TRPM2: variants seen among roughly 807,000 people sequenced by gnomAD.
TRPM2 encodes the protein estrogen-responsive element-associated gene 1 protein.
TRPM2 carries 161 observed loss-of-function variants against 174.0 expected under a neutral mutation model. That is an observed-to-expected ratio of 0.93 (90% CI 0.81 to 1.05). The LOEUF (loss-of-function observed/expected upper bound fraction) is 1.05, where lower values mean the gene tolerates loss of function less well. Ranked by LOEUF, TRPM2 falls within the 50% of genes least tolerant of loss-of-function variation. The probability of loss-of-function intolerance (pLI) is 0.00; values close to 1 mark genes in which losing one functional copy is unlikely to be tolerated. For missense variants in TRPM2, 2,057 were observed against 2,038.0 expected (o/e 1.01, Z -0.18); for synonymous variants, 954 against 861.3 (o/e 1.11, Z -1.88).
In TRPM2 at chr21:44,377,762, G is replaced by A; in HGVS notation, c.1003G>A (p.Gly335Ser). The A allele has an allele frequency of 6.2e-7, 1 of 1,614,156 alleles. No homozygotes were observed. Among genetic ancestry groups the A allele is most frequent in the Non-Finnish European group, 8.5e-7 (1 of 1,180,030 alleles). Residue 335 changes from glycine (G) to serine (S), a missense_variant, in exon 7 of 32, where the codon GGC becomes AGC. Coordinates refer to ENST00000397928, the MANE Select transcript of TRPM2 (RefSeq NM_003307.4). ...GTGCGTGGTGCTGGAGGGCGGCCCG[G>A]GCACGTTGCACGTGAGTATGGCCAG... The part of the protein sequence containing the change: ...IVCVVLEGGP[G>S]TLHTIDNATT...
intron 9 of TRPM2, among the ~76,000 whole-genome samples, chr21:44,390,619 A>G (rs1378806434): frequency 2.0e-5 from 3 of 152,104 alleles, no homozygotes; most frequent in Non-Finnish European, 2.9e-5. Context: ...CTTACTGCCC[A>G]CCTGTCGCTT....
chr21:44,403,544 GCACA>G (rs45476596), intron 16 of TRPM2, among the ~76,000 whole-genome samples: 21 of 147,954 alleles, frequency 1.4e-4, no homozygotes, highest in Admixed American at 2.7e-4. Context: ...ACACACATAG[GCACA>G]CACACATACA....
chr21:44,435,891 A>T (rs2051239835), intron 28 of TRPM2, among the ~76,000 whole-genome samples: 1 of 107,636 alleles, frequency 9.3e-6, no homozygotes. Context: ...ACAGCCCCAC[A>T]CTCTCTCCTC....
chr21:44,352,185 A>C (rs2122999907), upstream of TRPM2, among the ~76,000 whole-genome samples: 8 of 152,336 alleles, frequency 5.3e-5, no homozygotes, highest in Admixed American at 3.3e-4. Context: ...CTGCGGGGAC[A>C]GCTCATGGCC....
chr21:44,438,904 G>A lies in TRPM2; in HGVS notation c.4168-163G>A. 1.7e-6 allele frequency: 1 copy of A among 582,156 alleles called. No individual in the cohort carries two copies. The highest frequency in any genetic ancestry group is 3.1e-6 in the Non-Finnish European group (1 of 325,890). 36.1% of individuals were successfully genotyped at this position (582,156 alleles called of 1,614,324 possible). On this transcript the variant is annotated intron_variant, in intron 29 of 31. Coordinates refer to ENST00000397928, the MANE Select transcript of TRPM2 (RefSeq NM_003307.4). This position sits in a 1 kb window ranked among gnomAD's most constrained non-coding sequence, Gnocchi z 5.9. ...TCACAGATGCTGACGTGGACGGCGG[G>A]TTCTGGGCAATGTCACTGCAGCCTG...
rs374679747 is a variant in TRPM2 at position 44,418,101 on chromosome 21, G to A, written c.3321G>A (p.Lys1107=). Residue 1107 remains lysine (K), a synonymous_variant, in exon 21 of 32, where the codon AAG becomes AAA. Transcript: ENST00000397928. ...TGAAGACTCCGGCCAAGAGGCACAA[G>A]CAGCTCAGTATGCCAGCCCCAGTGC... ...VVLKTPAKRH[K]QLKNKLEKNE... 8 of 1,610,982 alleles carry A rather than the reference G, an allele frequency of 5.0e-6. No individual in the cohort carries two copies. The African/African-American group carries it at 5.3e-5, about 11-fold the overall frequency.
At chr21:44,380,848 C>A (rs1461172795) in intron 8 of TRPM2, among the ~76,000 whole-genome samples, 2 of 152,172 alleles carry the variant, frequency 1.3e-5, no homozygotes, top group Non-Finnish European at 2.9e-5. Flanking sequence ...ACTGAGTGCT[C>A]GACTCAGACG....
At chr21:44,386,935 A>G (rs894527809) in intron 9 of TRPM2, among the ~76,000 whole-genome samples, 28 of 152,306 alleles carry the variant, frequency 1.8e-4, no homozygotes, top group Non-Finnish European at 3.7e-4. Context: ...CATGCCTGTA[A>G]TCCCAGCACT....
In TRPM2 at chr21:44,391,440, C is replaced by T; in HGVS notation, c.1609C>T (p.Gln537Ter). 3.7e-6 allele frequency: 6 copies of T among 1,613,962 alleles called. No individual in the cohort carries two copies. The highest frequency in any genetic ancestry group is 5.1e-6 in the Non-Finnish European group (6 of 1,180,042). ...CTCCTGCCTGTTCCACAGCAAGCTG[C>T]AGAAGGTGCTGGTGGAGGATCCCGA... The part of the protein sequence containing the change: ...DPSCLFHSKL[Q>*]KVLVEDPERP... The change falls in exon 11 of 32, where the codon CAG becomes TAG. Residue 537 changes from glutamine to a stop codon, truncating the protein, a stop_gained. Coordinates refer to ENST00000397928, the MANE Select transcript of TRPM2 (RefSeq NM_003307.4). LOFTEE classifies it high-confidence loss of function. This position sits in a 1 kb window ranked among gnomAD's most constrained non-coding sequence, Gnocchi z 5.0.
chr21:44,377,976 G>A (rs977560675), intron 7 of TRPM2, among the ~76,000 whole-genome samples: 8 of 152,262 alleles, frequency 5.3e-5, no homozygotes, highest in African/African-American at 1.9e-4. Flanking sequence ...GGTGCCTGGA[G>A]GAGGAGGCTG....
At chr21:44,436,696 C>T (rs1021704890) in intron 28 of TRPM2, among the ~76,000 whole-genome samples, 15 of 150,784 alleles carry the variant, frequency 9.9e-5, no homozygotes, top group Admixed American at 4.6e-4. Context: ...ACGTCACCCC[C>T]GGGAGGCACT....
chr21:44,397,941 C>A, intron 13 of TRPM2, 65 bp downstream of exon 13: 1 of 1,485,184 alleles, frequency 6.7e-7, no homozygotes, highest in East Asian at 2.4e-5. Flanking sequence ...CCTGGAGTTC[C>A]CATCCCTGGG....
At chr21:44,419,226 T>C (rs879936745) in intron 22 of TRPM2, among the ~76,000 whole-genome samples, 21 of 152,242 alleles carry the variant, frequency 1.4e-4, no homozygotes, top group African/African-American at 4.6e-4. Context: ...CACCTAGTTA[T>C]GGCCGTGTGG....
Position 44,382,772 on chromosome 21 carries a change from G to C in TRPM2, c.1270G>C (p.Asp424His), listed in dbSNP as rs765798174. ...QLLTVFREGK[D>H]GQQDVDVAIL... is the part of the protein sequence containing the mutation. Reference sequence around the variant, plus strand: ...GCTGACTGTCTTCCGGGAAGGCAAGGATGGTCAGCAGGACGTGGATGTGGC... The same window carrying C: ...GCTGACTGTCTTCCGGGAAGGCAAGCATGGTCAGCAGGACGTGGATGTGGC... Residue 424 changes from aspartate to histidine, a missense_variant, in exon 9 of 32, where the codon GAT (aspartate) becomes CAT (histidine). Transcript: ENST00000397928. 30 of 1,614,016 alleles carry C rather than the reference G, an allele frequency of 1.9e-5. No individual in the cohort carries two copies. Among genetic ancestry groups the C allele is most frequent in the Non-Finnish European group, 2.5e-5 (29 of 1,180,028 alleles).
At chr21:44,429,238 CTT>C (rs1332559284) in intron 27 of TRPM2, among the ~76,000 whole-genome samples, 2 of 127,094 alleles carry the variant, frequency 1.6e-5, no homozygotes, top group Non-Finnish European at 3.4e-5. Context: ...TATTTGATAA[CTT>C]TTGTTATTTG....
chr21:44,403,897 C>A (rs1220639256), intron 16 of TRPM2, among the ~76,000 whole-genome samples: 6 of 150,682 alleles, frequency 4.0e-5, no homozygotes, highest in Non-Finnish European at 8.9e-5. Context: ...CATACATATA[C>A]AGCACACACA....
intron 19 of TRPM2, among the ~76,000 whole-genome samples, chr21:44,410,148 G>GT (rs1184246174): frequency 5.0e-4 from 37 of 74,462 alleles, no homozygotes; most frequent in Admixed American, 8.2e-4. Flanking sequence ...CACTGTCTTG[G>GT]TGAGCGTAGC....
intron 19 of TRPM2, among the ~76,000 whole-genome samples, chr21:44,408,748 C>T (rs1474073237): frequency 1.3e-5 from 2 of 151,358 alleles, no homozygotes; most frequent in Non-Finnish European, 2.9e-5. Context: ...ACCTCTGCCT[C>T]CCGGGCTCAA....
chr21:44,393,053 C>G (rs1569054663), intron 11 of TRPM2, among the ~76,000 whole-genome samples: 1 of 152,142 alleles, frequency 6.6e-6, no homozygotes, highest in African/African-American at 2.4e-5. Flanking sequence ...GAACCCTGCT[C>G]TAATCTCCAC....
Sources: allele counts gnomAD v4.1 joint callset (sites outside exome capture counted in the v4.1 genomes callset), GRCh38; gene constraint gnomAD v4.1.1; non-coding constraint Gnocchi (gnomAD v3.1); transcripts MANE v1.5; gene names NCBI Gene and HGNC (gene_info 2026-07-23, HGNC 2026-07-21).